NSMAF: variants seen among roughly 807,000 people sequenced by gnomAD.
NSMAF encodes neutral sphingomyelinase activation associated factor.
A neutral mutation model predicts 134.9 loss-of-function variants in NSMAF; 90 were observed. That is an observed-to-expected ratio of 0.67 (90% CI 0.56 to 0.79). The LOEUF (loss-of-function observed/expected upper bound fraction) is 0.79. Among genes scored for constraint, NSMAF ranks in the 30% least tolerant of loss-of-function variants. NSMAF has a pLI of 0.00. For synonymous variants in NSMAF, 358 were observed against 389.6 expected (o/e 0.92, Z 0.96); for missense variants, 1,010 against 1,119.0 (o/e 0.90, Z 1.39).
intron 6 of NSMAF, among the ~76,000 whole-genome samples, chr8:58,625,555 G>T (rs1198562294): frequency 6.6e-6 from 1 of 152,082 alleles, no homozygotes; most frequent in Non-Finnish European, 1.5e-5. Flanking sequence ...CGTCTCTTGT[G>T]AAAGTTTTTT....
rs200001216 is a variant in NSMAF at position 58,607,804 on chromosome 8, G to T, written c.724C>A (p.Arg242Ser). The T allele has an allele frequency of 5.6e-6, 9 of 1,614,120 alleles. No individual in the cohort carries two copies. Among genetic ancestry groups the T allele is most frequent in the Middle Eastern group, 3.3e-4 (2 of 6,062 alleles). ...AGGCCGTGCCTCCTTTTGTAGATGC[G>T]GCGGACATCTTGGAGTGTTATCTGG... ...VVQITLQDVR[R>S]IYKRRHGLMP... is the part of the protein sequence containing the mutation. Residue 242 changes from arginine to serine, a missense_variant, in exon 11 of 31, where the codon CGC becomes AGC. Coordinates refer to ENST00000038176, the MANE Select transcript of NSMAF (RefSeq NM_003580.4).
chr8:58,650,168 C>A (rs1807551504), intron 1 of NSMAF, among the ~76,000 whole-genome samples: 1 of 152,128 alleles, frequency 6.6e-6, no homozygotes, highest in African/African-American at 2.4e-5. Flanking sequence ...TAATAGAGTA[C>A]AAAATAAGAG....
chr8:58,600,053 A>G, intron 16 of NSMAF, 32 bp from the exon 17 acceptor site: 1 of 1,545,320 alleles, frequency 6.5e-7, no homozygotes, highest in Non-Finnish European at 8.9e-7. Context: ...ACCTATTTTC[A>G]GCTAAGGAAA....
intron 6 of NSMAF, among the ~76,000 whole-genome samples, chr8:58,628,997 T>A (rs767115863): frequency 1.3e-5 from 2 of 152,190 alleles, no homozygotes; most frequent in Non-Finnish European, 2.9e-5. Context: ...GATAATCTGA[T>A]TATCATGTGT....
Position 58,585,635 on chromosome 8 carries a change from C to G in NSMAF, c.2659+17G>C. ...ATCTTGAGAACAAAGATCAAGGCAACTGCAGTAGCTGCTTACCTGTGTGGC... is the reference window on the plus strand; with the variant it reads ...ATCTTGAGAACAAAGATCAAGGCAAGTGCAGTAGCTGCTTACCTGTGTGGC... On this transcript the variant is annotated intron_variant, in intron 30 of 30. Coordinates refer to ENST00000038176, the MANE Select transcript of NSMAF (RefSeq NM_003580.4). The G allele has an allele frequency of 6.5e-7, 1 of 1,547,730 alleles. No individual in the cohort carries two copies. The highest frequency in any genetic ancestry group is 1.4e-5 in the African/African-American group (1 of 73,638).
chr8:58,591,540 G>A (rs1304894557), intron 23 of NSMAF, among the ~76,000 whole-genome samples: 1 of 136,852 alleles, frequency 7.3e-6, no homozygotes, highest in Admixed American at 8.0e-5. Flanking sequence ...AGGCTGGAGT[G>A]CATTGGTGTG....
At chr8:58,651,886 G>A (rs536985780) in intron 1 of NSMAF, among the ~76,000 whole-genome samples, 5 of 152,236 alleles carry the variant, frequency 3.3e-5, no homozygotes, top group Admixed American at 2.0e-4. Flanking sequence ...GCACACATGC[G>A]CTGCTGGCCT....
rs924166495 is a variant in NSMAF, at chr8:58,583,950, T to C, written c.*156A>G. ...GAGAATAGCAACTAATGGCTTTCAA[T>C]GAAGTCACCATGATTTAGAAAGTTT... On this transcript the variant is annotated 3_prime_UTR_variant, in exon 31 of 31. Coordinates refer to ENST00000038176, the MANE Select transcript of NSMAF (RefSeq NM_003580.4). The C allele has an allele frequency of 1.4e-5, 9 of 645,756 alleles. No homozygotes were observed. Among genetic ancestry groups the C allele is most frequent in the Admixed American group, 5.2e-5 (2 of 38,508 alleles). 40.0% of individuals were successfully genotyped at this position (645,756 alleles called of 1,614,324 possible).
intron 1 of NSMAF, among the ~76,000 whole-genome samples, chr8:58,646,608 G>C (rs1447425796): frequency 6.6e-6 from 1 of 151,792 alleles, no homozygotes; most frequent in African/African-American, 2.4e-5. Flanking sequence ...CTGAGTCTAT[G>C]TTTTCTTTTT....
intron 2 of NSMAF, chr8:58,637,163 A>C (rs1807195324): frequency 3.1e-6 from 1 of 318,550 alleles, no homozygotes; most frequent in Non-Finnish European, 6.4e-6. Flanking sequence ...TTTTTGGCCC[A>C]ATGTCAGCAT....
chr8:58,605,008 G>A (rs1267283413), intron 12 of NSMAF, among the ~76,000 whole-genome samples: 1 of 152,184 alleles, frequency 6.6e-6, no homozygotes, highest in South Asian at 2.1e-4. Context: ...GCCTCCGAAA[G>A]TGCTGGGATT....
At chr8:58,637,236 G>T in intron 2 of NSMAF, 1 of 433,876 alleles carries the variant, frequency 2.3e-6, no homozygotes, top group Non-Finnish European at 4.7e-6. Context: ...TTCCTTACTT[G>T]CCAGTATGAC....
chr8:58,599,524 G>T, intron 18 of NSMAF, 161 bp from the exon 19 acceptor site: 1 of 948,414 alleles, frequency 1.1e-6, no homozygotes, highest in Non-Finnish European at 1.5e-6. Context: ...AGTTTTTTGG[G>T]GAAAAAAGTG....
intron 6 of NSMAF, among the ~76,000 whole-genome samples, chr8:58,625,567 T>C (rs1394634282): frequency 6.6e-6 from 1 of 152,222 alleles, no homozygotes; most frequent in East Asian, 1.9e-4. Flanking sequence ...AAGTTTTTTA[T>C]TTAAAGCCTA....
intron 9 of NSMAF, among the ~76,000 whole-genome samples, chr8:58,620,399 T>C (rs1402212466): frequency 6.6e-6 from 1 of 152,172 alleles, no homozygotes; most frequent in Non-Finnish European, 1.5e-5. Context: ...GAATTCAAGA[T>C]GCATCATCAA....
chr8:58,583,828 C>T lies in NSMAF; in HGVS notation c.*278G>A. The T allele has an allele frequency of 2.5e-6, 1 of 406,990 alleles. No individual in the cohort carries two copies. Among genetic ancestry groups the T allele is most frequent in the Non-Finnish European group, 4.5e-6 (1 of 222,540 alleles). 25.2% of individuals were successfully genotyped at this position (406,990 alleles called of 1,614,324 possible). On this transcript the variant is annotated 3_prime_UTR_variant, in exon 31 of 31. Coordinates refer to ENST00000038176, the MANE Select transcript of NSMAF (RefSeq NM_003580.4). The stretch of plus-strand genomic sequence containing the variant: ...TTTATCTCTTAGCTATTCTCTGCTA[C>T]TTAGTCCTGTCTTCTGACAATCATC...
intron 1 of NSMAF, chr8:58,659,050 G>T: frequency 1.5e-6 from 1 of 687,164 alleles, no homozygotes; most frequent in Non-Finnish European, 2.2e-6. Flanking sequence ...GGAGTCGGCA[G>T]GAAAAAGGCG....
intron 1 of NSMAF, among the ~76,000 whole-genome samples, chr8:58,648,818 A>T (rs540323079): frequency 6.6e-6 from 1 of 152,354 alleles, no homozygotes; most frequent in East Asian, 1.9e-4. Context: ...TTACCCCTAG[A>T]TTTCAGAGGA....
At chr8:58,590,204 G>A (rs529241482) in intron 24 of NSMAF, 130 bp from the exon 25 acceptor site, 142 of 749,172 alleles carry the variant, frequency 1.9e-4, no homozygotes, top group Non-Finnish European at 2.9e-4. Flanking sequence ...TCCTATTTAC[G>A]CAGATTTTCT....
Sources: gnomAD v4.1 joint callset for allele counts (sites outside exome capture counted in the v4.1 genomes callset) on GRCh38, gnomAD v4.1.1 for gene constraint, MANE v1.5 for transcripts, NCBI Gene and HGNC (gene_info 2026-07-23, HGNC 2026-07-21) for gene names.